Variants in ESPNL observed in about 807,000 individuals in gnomAD.
The protein encoded by ESPNL is espin like, also known as espin-like protein.
ESPNL carries 49 observed loss-of-function variants against 46.8 expected under a neutral mutation model. The ratio of observed to expected loss-of-function variants is 1.05; its 90% confidence interval spans 0.83 to 1.33. The LOEUF (loss-of-function observed/expected upper bound fraction) is 1.33. Among genes scored for constraint, ESPNL ranks in the 40% most tolerant of loss-of-function variants. ESPNL has a pLI of 0.00. For synonymous variants in ESPNL, 664 were observed against 662.1 expected (o/e 1.00, Z -0.04); for missense variants, 1,540 against 1,436.6 (o/e 1.07, Z -1.16).
rs569370114 is a variant in ESPNL at position 238,130,933 on chromosome 2, G to A, written c.2219G>A (p.Arg740His). 3.8e-5 allele frequency: 59 copies of A among 1,549,396 alleles called. No individual in the cohort carries two copies. The highest frequency in any genetic ancestry group is 2.7e-4 in the Admixed American group (14 of 51,218). Residue 740 changes from arginine (R) to histidine (H), a missense_variant, in exon 9 of 9, where the codon CGC (arginine) becomes CAC (histidine). Coordinates refer to ENST00000343063, the MANE Select transcript of ESPNL (RefSeq NM_194312.4). Reference protein sequence around the residue: ...GPDLASLRKERIIMLFLSHWR... With the variant: ...GPDLASLRKEHIIMLFLSHWR... ...GACCTGGCCAGCCTGCGCAAGGAGC[G>A]CATCATCATGCTCTTCCTCAGCCAC... is the stretch of plus-strand genomic sequence containing the variant.
chr2:238,107,063 G>A (rs1004150765), intron 3 of ESPNL, among the ~76,000 whole-genome samples: 1 of 152,232 alleles, frequency 6.6e-6, no homozygotes, highest in Admixed American at 6.5e-5. Context: ...TGAAGGCGGG[G>A]AGCCAGCACG....
chr2:238,100,612 C>G lies in ESPNL; in HGVS notation c.193C>G (p.Gln65Glu). ...LVQRAQLPGN[Q>E]RAHNGATPAH... ...GCAGCGGGCCCAGCTGCCCGGCAACCAGCGGGCCCACAACGGGGCCACCCC... is the reference window on the plus strand; with the variant it reads ...GCAGCGGGCCCAGCTGCCCGGCAACGAGCGGGCCCACAACGGGGCCACCCC... The change falls in exon 1 of 9, where the codon CAG becomes GAG. Residue 65 changes from glutamine (Q) to glutamate (E), a missense_variant. Physicochemically the swap from Gln to Glu is conservative, Grantham distance 29. Coordinates refer to ENST00000343063, the MANE Select transcript of ESPNL (RefSeq NM_194312.4). The G allele has an allele frequency of 1.3e-6, 2 of 1,504,316 alleles. No homozygotes were observed. The highest frequency in any genetic ancestry group is 1.8e-6 in the Non-Finnish European group (2 of 1,130,634). 93.2% of individuals were successfully genotyped at this position (1,504,316 alleles called of 1,614,324 possible).
chr2:238,112,315 T>C (rs1369293872), intron 4 of ESPNL, among the ~76,000 whole-genome samples: 1 of 152,168 alleles, frequency 6.6e-6, no homozygotes, highest in East Asian at 1.9e-4. Flanking sequence ...CATGAAGTTA[T>C]TTTTAATATC....
chr2:238,101,683 C>T (rs953486361), intron 1 of ESPNL, among the ~76,000 whole-genome samples: 8 of 152,322 alleles, frequency 5.3e-5, no homozygotes, highest in East Asian at 1.9e-4. Context: ...ACACTGGGGA[C>T]GGGCCCAGGA....
Position 238,129,550 on chromosome 2 carries a change from T to C in ESPNL, c.1414-578T>C, listed in dbSNP as rs149218650. On this transcript the variant is annotated intron_variant, in intron 8 of 8. Transcript: ENST00000343063. ...CCTCTGTGAGGCCGTGGGGAGCCAC[T>C]GAGAATCTGAGCAGAGAAGGGCTGT... Among the ~76,000 whole-genome samples the C allele has an allele frequency of 7.5e-3, 1,137 of 152,264 alleles. 11 individuals are homozygous for C. Among genetic ancestry groups the C allele is most frequent in the Non-Finnish European group, 9.8e-3 (666 of 67,998 alleles).
intron 2 of ESPNL, 28 bp downstream of exon 2, chr2:238,102,159 G>C: frequency 6.7e-7 from 1 of 1,497,780 alleles, no homozygotes. Flanking sequence ...CCGCCTGGGG[G>C]GGCAGCCTGG....
Position 238,131,686 on chromosome 2 carries a change from C to A in ESPNL, c.2972C>A (p.Ala991Asp). The A allele has an allele frequency of 6.3e-7, 1 of 1,596,910 alleles. No homozygotes were observed. The highest frequency in any genetic ancestry group is 8.6e-7 in the Non-Finnish European group (1 of 1,166,936). The part of the protein sequence containing the change: ...DICGYINRSF[A>D]FWKEKEAEMF... ...TGCGGCTACATCAACCGCAGCTTTG[C>A]CTTCTGGAAGGAGAAGGAAGCTGAG... Residue 991 changes from alanine to aspartate, a missense_variant, in exon 9 of 9, where the codon GCC becomes GAC. Physicochemically the swap from Ala to Asp is moderately radical, Grantham distance 126. Coordinates refer to ENST00000343063, the MANE Select transcript of ESPNL (RefSeq NM_194312.4).
intron 8 of ESPNL, chr2:238,129,312 T>G (rs1229962595): frequency 1.5e-5 from 15 of 994,550 alleles, no homozygotes; most frequent in Non-Finnish European, 1.8e-5. Context: ...TATGGGTGCT[T>G]AGGGGGCCCC....
At chr2:238,102,177 TG>T in intron 2 of ESPNL, 46 bp downstream of exon 2, 2 of 1,470,456 alleles carry the variant, frequency 1.4e-6, no homozygotes, top group Non-Finnish European at 1.8e-6. Flanking sequence ...TGGGGCGAGC[TG>T]GCCAAGGGGA....
rs578160000 is a variant in ESPNL at position 238,132,053 on chromosome 2, C to T, written c.*321C>T. On this transcript the variant is annotated 3_prime_UTR_variant, in exon 9 of 9. Coordinates refer to ENST00000343063, the MANE Select transcript of ESPNL (RefSeq NM_194312.4). The stretch of plus-strand genomic sequence containing the variant: ...TGCCTGTTTCTCACTTGTCCTTCCC[C>T]AGTGTCACCAGTTCCCTTGGCGTCC... 69 of 274,416 alleles carry T rather than the reference C, an allele frequency of 2.5e-4. No individual in the cohort carries two copies. The highest frequency in any genetic ancestry group is 1.4e-3 in the African/African-American group (63 of 45,168). The allele number at this position is 274,416 out of a possible 1,614,324, so 17.0% of individuals were successfully genotyped here.
chr2:238,115,714 C>G (rs1430675198), intron 4 of ESPNL, among the ~76,000 whole-genome samples: 1 of 152,168 alleles, frequency 6.6e-6, no homozygotes, highest in Non-Finnish European at 1.5e-5. Flanking sequence ...CTGTTGTTGC[C>G]CAGGCTGGAG....
rs1406380357 is a variant in ESPNL at position 238,114,975 on chromosome 2, G to T, written c.856-1928G>T. ...AGTGCGTGAGCAGACACCCCAGTCT[G>T]CAGCTTAGAGGCGCAGGGTCATCAT... On this transcript the variant is annotated intron_variant, in intron 4 of 8. Coordinates refer to ENST00000343063, the MANE Select transcript of ESPNL (RefSeq NM_194312.4). The surrounding 1 kb of genome is among the most constrained non-coding windows in gnomAD (Gnocchi z 5.0). 6.6e-6 allele frequency among the ~76,000 whole-genome samples: 1 copy of T among 152,228 alleles called. No homozygotes were observed. The highest frequency in any genetic ancestry group is 1.5e-5 in the Non-Finnish European group (1 of 68,036).
intron 5 of ESPNL, among the ~76,000 whole-genome samples, chr2:238,124,291 G>C (rs1692049678): frequency 1.3e-5 from 2 of 152,220 alleles, no homozygotes; most frequent in South Asian, 4.1e-4. Context: ...GCTTTGGTCT[G>C]ACAGGCACAG....
chr2:238,121,919 G>C (rs1160211840), intron 5 of ESPNL, among the ~76,000 whole-genome samples: 1 of 152,238 alleles, frequency 6.6e-6, no homozygotes, highest in Non-Finnish European at 1.5e-5. Flanking sequence ...GCCAGTAATG[G>C]AATCTCAGCC....
chr2:238,125,533 C>T, intron 6 of ESPNL, 149 bp downstream of exon 6: 1 of 466,578 alleles, frequency 2.1e-6, no homozygotes, highest in East Asian at 3.5e-5. Context: ...TCCAGGTTTC[C>T]TTGACTGTCT....
At chr2:238,129,303 A>C in intron 8 of ESPNL, 4 of 1,025,904 alleles carry the variant, frequency 3.9e-6, no homozygotes, top group South Asian at 4.0e-5. Flanking sequence ...ACTATGATAT[A>C]TGGGTGCTTA....
chr2:238,103,568 C>T (rs960472168), intron 2 of ESPNL, among the ~76,000 whole-genome samples: 1 of 152,230 alleles, frequency 6.6e-6, no homozygotes, highest in Non-Finnish European at 1.5e-5. Flanking sequence ...GGTGGCTGCC[C>T]CTGGCCAGAC....
chr2:238,100,875 G>A (rs958075970), intron 1 of ESPNL, among the ~76,000 whole-genome samples, 162 bp downstream of exon 1: 7 of 152,152 alleles, frequency 4.6e-5, no homozygotes, highest in African/African-American at 7.2e-5. Context: ...TCTGCCCCAC[G>A]CCTCTCAGAG....
Position 238,130,970 on chromosome 2 carries a change from G to A in ESPNL, c.2256G>A (p.Ser752=), listed in dbSNP as rs4663293. 6.2e-4 allele frequency: 953 copies of A among 1,548,932 alleles called. 6 individuals carry two copies. In the African/African-American group the frequency reaches 0.01, roughly 17 times the overall value. Residue 752 remains serine, a synonymous_variant, in exon 9 of 9, where the codon TCG becomes TCA. Transcript: ENST00000343063. ...IMLFLSHWRR[S]AYTPALKTVA... is the part of the protein sequence containing the mutation. ...TCTTCCTCAGCCACTGGAGGAGATC[G>A]GCCTACACGCCGGCCCTCAAGACAG...
Sources: allele counts gnomAD v4.1 joint callset (sites outside exome capture counted in the v4.1 genomes callset), GRCh38; gene constraint gnomAD v4.1.1; non-coding constraint Gnocchi (gnomAD v3.1); transcripts MANE v1.5; gene names NCBI Gene and HGNC (gene_info 2026-07-23, HGNC 2026-07-21).